SDK1: variants seen among roughly 807,000 people sequenced by gnomAD.
SDK1 encodes the protein protein sidekick-1.
Under a neutral mutation model 245.5 loss-of-function variants are expected in SDK1, and 157 were observed. The observed-to-expected ratio is 0.64, with a 90% CI of 0.56 to 0.73. SDK1 has a LOEUF of 0.73. Ranked by LOEUF, SDK1 falls within the 30% of genes least tolerant of loss-of-function variation. SDK1 has a pLI of 0.00. For missense variants in SDK1, 3,583 were observed against 3,002.3 expected (o/e 1.19, Z -4.52); for synonymous variants, 1,647 against 1,278.5 (o/e 1.29, Z -6.15).
chr7:4,150,138 C>G (rs556082543), intron 30 of SDK1, among the ~76,000 whole-genome samples: 2 of 152,272 alleles, frequency 1.3e-5, no homozygotes, highest in South Asian at 4.1e-4. Flanking sequence ...CACAGTCACA[C>G]AGATGGGCAT....
intron 4 of SDK1, among the ~76,000 whole-genome samples, chr7:3,642,493 C>A (rs1005696964): frequency 2.0e-5 from 3 of 151,824 alleles, no homozygotes; most frequent in African/African-American, 4.8e-5. Context: ...TTTTTTTTCC[C>A]CCTCCTTTTA....
intron 13 of SDK1, among the ~76,000 whole-genome samples, chr7:3,980,054 A>G (rs1295247981): frequency 6.6e-6 from 1 of 152,194 alleles, no homozygotes; most frequent in Non-Finnish European, 1.5e-5. Context: ...CCCCAGAGTT[A>G]TCAAGCCCTG....
At chr7:3,972,094 T>A (rs2128133282) in intron 12 of SDK1, among the ~76,000 whole-genome samples, 1 of 150,728 alleles carries the variant, frequency 6.6e-6, no homozygotes, top group Admixed American at 6.6e-5. Flanking sequence ...TTTTTTTTTT[T>A]TTTGAGACAG....
chr7:3,785,423 TAATC>T (rs760257399), intron 4 of SDK1, among the ~76,000 whole-genome samples: 11 of 152,210 alleles, frequency 7.2e-5, no homozygotes, highest in East Asian at 1.9e-4. Flanking sequence ...CACATTTTAT[TAATC>T]AATCATAACA....
At chr7:3,307,548 C>A (rs949240054) in intron 1 of SDK1, among the ~76,000 whole-genome samples, 1 of 152,078 alleles carries the variant, frequency 6.6e-6, no homozygotes, top group Non-Finnish European at 1.5e-5. Flanking sequence ...CTGTAGGGAA[C>A]CCTTGTTTAT....
intron 17 of SDK1, among the ~76,000 whole-genome samples, chr7:4,036,511 T>C (rs997126917): frequency 2.0e-5 from 3 of 152,216 alleles, no homozygotes; most frequent in Non-Finnish European, 2.9e-5. Context: ...CATCTCACAG[T>C]TTTTAACACC....
intron 19 of SDK1, among the ~76,000 whole-genome samples, chr7:4,066,937 G>A (rs988547567): frequency 5.9e-5 from 9 of 152,246 alleles, no homozygotes; most frequent in Middle Eastern, 3.4e-3. Flanking sequence ...TAGACTCTCA[G>A]GTCTTTTCTC....
chr7:4,237,756 G>A lies in SDK1; in HGVS notation c.6102G>A (p.Gln2034=), dbSNP rs1322177969. 1 of 1,614,046 alleles carries A rather than the reference G, an allele frequency of 6.2e-7. No homozygotes were observed. The highest frequency in any genetic ancestry group is 8.5e-7 in the Non-Finnish European group (1 of 1,180,058). The change falls in exon 42 of 45, where the codon CAG becomes CAA. Residue 2034 remains glutamine (Q), a synonymous_variant. Transcript: ENST00000404826. ...LVVFALVLHG[Q]NKKYKNCSTG... ...TGTTCGCCCTCGTCCTGCACGGGCA[G>A]AATAAGAAGTATAAGAACTGCAGCA... is the stretch of plus-strand genomic sequence containing the variant.
chr7:3,412,987 A>C (rs1583820567), intron 1 of SDK1, among the ~76,000 whole-genome samples: 1 of 152,188 alleles, frequency 6.6e-6, no homozygotes, highest in South Asian at 2.1e-4. Flanking sequence ...ATATTCTGGT[A>C]AATAAACAAG....
chr7:3,444,528 A>G (rs1004872175), intron 1 of SDK1, among the ~76,000 whole-genome samples: 1 of 152,208 alleles, frequency 6.6e-6, no homozygotes, highest in Non-Finnish European at 1.5e-5. Flanking sequence ...AGAACTTTTT[A>G]TAAGAGAACT....
At chr7:3,858,750 T>G (rs911529144) in intron 5 of SDK1, among the ~76,000 whole-genome samples, 4 of 151,114 alleles carry the variant, frequency 2.6e-5, no homozygotes, top group Non-Finnish European at 4.4e-5. Flanking sequence ...ATTGCAAACA[T>G]CAACTAATAA....
intron 4 of SDK1, among the ~76,000 whole-genome samples, chr7:3,741,171 A>C (rs1779464539): frequency 6.6e-6 from 1 of 152,198 alleles, no homozygotes; most frequent in African/African-American, 2.4e-5. Flanking sequence ...TGAAGTGCTA[A>C]GAAATATGTC....
chr7:3,630,882 A>T (rs1782268743), intron 2 of SDK1, among the ~76,000 whole-genome samples: 1 of 152,024 alleles, frequency 6.6e-6, no homozygotes, highest in Admixed American at 6.5e-5. Flanking sequence ...GAGACAAATT[A>T]CATAACTAAA....
At chr7:3,986,706 C>A (rs1783867122) in intron 13 of SDK1, among the ~76,000 whole-genome samples, 1 of 151,970 alleles carries the variant, frequency 6.6e-6, no homozygotes, top group Non-Finnish European at 1.5e-5. Flanking sequence ...ACTAAAAATA[C>A]AAAAATTAGC....
intron 32 of SDK1, among the ~76,000 whole-genome samples, chr7:4,173,353 G>T (rs569734329): frequency 6.6e-6 from 1 of 152,162 alleles, no homozygotes; most frequent in Non-Finnish European, 1.5e-5. Flanking sequence ...TGTCTCCTGC[G>T]TGGAAACATC....
At chr7:3,359,828 A>G (rs571500447) in intron 1 of SDK1, among the ~76,000 whole-genome samples, 2 of 152,304 alleles carry the variant, frequency 1.3e-5, no homozygotes, top group African/African-American at 4.8e-5. Flanking sequence ...ATGTTCAGTA[A>G]TAAAACCCTG....
intron 5 of SDK1, among the ~76,000 whole-genome samples, chr7:3,882,585 T>C (rs555356855): frequency 6.6e-6 from 1 of 152,236 alleles, no homozygotes; most frequent in Non-Finnish European, 1.5e-5. Flanking sequence ...AAATTTACTC[T>C]TGTACCATCT....
chr7:3,609,263 C>G (rs1027157023), intron 1 of SDK1, among the ~76,000 whole-genome samples: 1 of 152,066 alleles, frequency 6.6e-6, no homozygotes, highest in Non-Finnish European at 1.5e-5. Flanking sequence ...CAAAGGGATC[C>G]TGAGACCAAA....
At chr7:3,564,717 G>C (rs1386915517) in intron 1 of SDK1, among the ~76,000 whole-genome samples, 1 of 152,098 alleles carries the variant, frequency 6.6e-6, no homozygotes, top group Admixed American at 6.6e-5. Context: ...GGAGAAAGTA[G>C]TCAAAAGCTT....
Sources: gnomAD v4.1 joint callset for allele counts (sites outside exome capture counted in the v4.1 genomes callset) on GRCh38, gnomAD v4.1.1 for gene constraint, MANE v1.5 for transcripts, NCBI Gene and HGNC (gene_info 2026-07-23, HGNC 2026-07-21) for gene names.